The following PRKCB variants were observed in gnomAD, a reference collection of about 807,000 sequenced individuals.
PRKCB encodes protein kinase C beta, also known as protein kinase C beta type.
PRKCB carries 13 observed loss-of-function variants against 81.5 expected under a neutral mutation model. The ratio of observed to expected loss-of-function variants is 0.16; its 90% confidence interval spans 0.10 to 0.25. The LOEUF is 0.25. Among genes scored for constraint, PRKCB ranks in the 10% least tolerant of loss-of-function variants. PRKCB has a pLI of 1.00. For missense variants in PRKCB, 509 were observed against 875.7 expected (o/e 0.58, Z 5.29); for synonymous variants, 335 against 321.4 (o/e 1.04, Z -0.45).
At chr16:24,033,824 C>T (rs1965579890) in intron 4 of PRKCB, among the ~76,000 whole-genome samples, 2 of 151,916 alleles carry the variant, frequency 1.3e-5, no homozygotes, top group Non-Finnish European at 1.5e-5. Context: ...ATTACACAGG[C>T]TCATGCAGAG....
chr16:24,005,337 G>C (rs1158671355), intron 3 of PRKCB, among the ~76,000 whole-genome samples: 3 of 152,068 alleles, frequency 2.0e-5, no homozygotes, highest in Non-Finnish European at 4.4e-5. Context: ...AAATTTTCGT[G>C]AATACTTAAT....
chr16:24,108,641 A>C (rs1391560686), intron 7 of PRKCB, among the ~76,000 whole-genome samples: 2 of 150,326 alleles, frequency 1.3e-5, no homozygotes, highest in South Asian at 2.1e-4. Context: ...TGGACACAGC[A>C]CATGTTTCAG....
chr16:23,977,785 C>T (rs1964645083), intron 2 of PRKCB, among the ~76,000 whole-genome samples: 1 of 152,066 alleles, frequency 6.6e-6, no homozygotes, highest in South Asian at 2.1e-4. Flanking sequence ...GTAAGATGAC[C>T]CCTGAACTCT....
At chr16:24,063,350 A>C (rs1445190785) in intron 5 of PRKCB, among the ~76,000 whole-genome samples, 3 of 150,052 alleles carry the variant, frequency 2.0e-5, no homozygotes, top group Non-Finnish European at 4.4e-5. Context: ...GCTGGAGTGC[A>C]GTGGCATGAT....
intron 5 of PRKCB, among the ~76,000 whole-genome samples, chr16:24,057,134 T>C (rs1346420645): frequency 1.3e-5 from 2 of 152,206 alleles, no homozygotes; most frequent in South Asian, 2.1e-4. Context: ...AAGTGTTATA[T>C]AGTTGCAGAT....
At chr16:24,148,414 C>T (rs551314158) in intron 9 of PRKCB, among the ~76,000 whole-genome samples, 2 of 152,276 alleles carry the variant, frequency 1.3e-5, no homozygotes, top group Admixed American at 1.3e-4. Flanking sequence ...CCTTGTCGTT[C>T]TGCATTCCTG....
intron 2 of PRKCB, among the ~76,000 whole-genome samples, chr16:23,947,664 T>G (rs1964221118): frequency 6.6e-6 from 1 of 151,484 alleles, no homozygotes; most frequent in Non-Finnish European, 1.5e-5. Flanking sequence ...AGGACAAGAG[T>G]TAGGAGGAGT....
chr16:24,088,074 G>A (rs534508667), intron 5 of PRKCB, among the ~76,000 whole-genome samples: 2 of 152,108 alleles, frequency 1.3e-5, no homozygotes, highest in African/African-American at 4.8e-5. Context: ...AATCAAAGTC[G>A]GTCTCGCCAA....
intron 7 of PRKCB, among the ~76,000 whole-genome samples, chr16:24,108,489 G>A (rs1286017067): frequency 6.9e-6 from 1 of 145,536 alleles, no homozygotes; most frequent in Non-Finnish European, 1.5e-5. Flanking sequence ...CCTAGGCAGA[G>A]GACCCTGCGG....
At chr16:23,950,836 A>G (rs1312435187) in intron 2 of PRKCB, among the ~76,000 whole-genome samples, 1 of 152,154 alleles carries the variant, frequency 6.6e-6, no homozygotes, top group South Asian at 2.1e-4. Context: ...GTGAATAATC[A>G]CACATAAGCC....
chr16:24,125,605 C>T, intron 9 of PRKCB, among the ~76,000 whole-genome samples: 1 of 152,264 alleles, frequency 6.6e-6, no homozygotes, highest in East Asian at 1.9e-4. Context: ...CATCACTGAG[C>T]AATGCTTTTC....
chr16:23,995,393 G>C (rs1964942065), intron 3 of PRKCB, among the ~76,000 whole-genome samples: 1 of 152,230 alleles, frequency 6.6e-6, no homozygotes, highest in African/African-American at 2.4e-5. Flanking sequence ...GTGGCAGAGA[G>C]GGATACTGTG....
At chr16:23,955,708 C>T (rs74851629) in intron 2 of PRKCB, among the ~76,000 whole-genome samples, 1 of 152,152 alleles carries the variant, frequency 6.6e-6, no homozygotes, top group Non-Finnish European at 1.5e-5. Flanking sequence ...ATGGGCGAGA[C>T]CTTGGATGTG....
chr16:24,052,046 G>T (rs1269168189), intron 5 of PRKCB, among the ~76,000 whole-genome samples: 3 of 150,370 alleles, frequency 2.0e-5, no homozygotes, highest in Non-Finnish European at 4.4e-5. Context: ...GGAGGTGGAG[G>T]TTGCAGTGAG....
intron 9 of PRKCB, among the ~76,000 whole-genome samples, chr16:24,144,317 C>T (rs802594): frequency 0.36 from 55,258 of 151,760 alleles, 10,419 homozygotes; most frequent in South Asian, 0.47. Flanking sequence ...TTTTTGAGAC[C>T]GAGTCTCACT....
At chr16:23,854,309 A>G (rs2141084901) in intron 2 of PRKCB, among the ~76,000 whole-genome samples, 1 of 152,276 alleles carries the variant, frequency 6.6e-6, no homozygotes. Context: ...TGGACACCCA[A>G]CAAATCAATT....
At chr16:24,062,738 C>A (rs1965988718) in intron 5 of PRKCB, among the ~76,000 whole-genome samples, 1 of 152,140 alleles carries the variant, frequency 6.6e-6, no homozygotes, top group African/African-American at 2.4e-5. Context: ...GCCAGGAGGA[C>A]AGCTCCCTGT....
intron 2 of PRKCB, among the ~76,000 whole-genome samples, chr16:23,966,928 T>A (rs1964494971): frequency 6.6e-6 from 1 of 152,132 alleles, no homozygotes. Context: ...TGACAAAACT[T>A]CTGATTTTTC....
intron 10 of PRKCB, among the ~76,000 whole-genome samples, chr16:24,157,937 G>A (rs1410154373): frequency 1.3e-5 from 2 of 152,058 alleles, no homozygotes; most frequent in African/African-American, 4.8e-5. Context: ...ATGGACTAAT[G>A]AGAATGGACT....
Sources: allele counts gnomAD v4.1 joint callset (sites outside exome capture counted in the v4.1 genomes callset), GRCh38; gene constraint gnomAD v4.1.1; transcripts MANE v1.5; gene names NCBI Gene and HGNC (gene_info 2026-07-23, HGNC 2026-07-21).